Variants in MEMO1 observed in about 807,000 individuals in gnomAD.
The protein encoded by MEMO1 is protein MEMO1.
In MEMO1, 6 loss-of-function variants were observed where a neutral mutation model predicts 45.2. The observed-to-expected ratio is 0.13, with a 90% CI of 0.07 to 0.26. MEMO1 has a LOEUF of 0.26. Among genes scored for constraint, MEMO1 ranks in the 10% least tolerant of loss-of-function variants. MEMO1 has a pLI of 1.00. For synonymous variants in MEMO1, 78 were observed against 124.3 expected (o/e 0.63, Z 2.48); for missense variants, 184 against 370.5 (o/e 0.50, Z 4.13).
At position 31,934,629 on chromosome 2, in the gene MEMO1, A is replaced by G. The variant is rs149508097; in HGVS notation, c.144-2494T>C. On this transcript the variant is annotated intron_variant, in intron 3 of 9. Transcript: ENST00000404530. The stretch of plus-strand genomic sequence containing the variant: ...AAGTACATAAGGTAGATGAGAAAAT[A>G]CAAGACAGGCCTGAGTAGAGGAAGA... 9.9e-3 allele frequency among the ~76,000 whole-genome samples: 1,515 copies of G among 152,322 alleles called. 27 individuals are homozygous for G. The highest frequency in any genetic ancestry group is 0.051 in the South Asian group (246 of 4,826).
intron 2 of MEMO1, among the ~76,000 whole-genome samples, chr2:31,965,403 G>A (rs1447213776): frequency 6.6e-6 from 1 of 151,910 alleles, no homozygotes; most frequent in African/African-American, 2.4e-5. Context: ...ACTATAAAGG[G>A]GTACAGATGA....
chr2:31,943,263 T>A (rs768833039), intron 3 of MEMO1, 39 bp downstream of exon 3: 16 of 1,514,768 alleles, frequency 1.1e-5, no homozygotes, highest in Non-Finnish European at 1.4e-5. Flanking sequence ...AGACTCCTTC[T>A]CAAAAAACAA....
At chr2:32,009,199 A>C (rs181654260) in intron 2 of MEMO1, among the ~76,000 whole-genome samples, 1 of 152,326 alleles carries the variant, frequency 6.6e-6, no homozygotes, top group East Asian at 1.9e-4. Flanking sequence ...AGAAAACTCA[A>C]CTCGCTCAAA....
chr2:31,987,993 A>G (rs1490225657), intron 2 of MEMO1, among the ~76,000 whole-genome samples: 5 of 152,162 alleles, frequency 3.3e-5, no homozygotes, highest in African/African-American at 9.7e-5. Flanking sequence ...TAATGGAAGG[A>G]GTATGCGCAG....
At chr2:31,980,458 GA>G (rs2148498239) in intron 2 of MEMO1, among the ~76,000 whole-genome samples, 1 of 152,080 alleles carries the variant, frequency 6.6e-6, no homozygotes, top group African/African-American at 2.4e-5. Context: ...ATAATTTTTA[GA>G]TTTTTTTTAT....
intron 2 of MEMO1, among the ~76,000 whole-genome samples, chr2:31,948,680 T>C (rs192443252): frequency 6.6e-6 from 1 of 152,212 alleles, no homozygotes; most frequent in Non-Finnish European, 1.5e-5. Context: ...GGGTAGATCA[T>C]TTGAGGTCAG....
At chr2:31,937,261 C>T (rs1031041701) in intron 3 of MEMO1, among the ~76,000 whole-genome samples, 2 of 152,070 alleles carry the variant, frequency 1.3e-5, no homozygotes, top group Non-Finnish European at 1.5e-5. Context: ...TTTATTTTTA[C>T]ATAATAGAAT....
intron 6 of MEMO1, among the ~76,000 whole-genome samples, chr2:31,904,701 G>A (rs376905929): frequency 1.4e-4 from 21 of 152,302 alleles, no homozygotes; most frequent in East Asian, 5.8e-4. Context: ...AACAGGCCAC[G>A]GACCAGCTGA....
chr2:31,952,743 G>A (rs1393262673), intron 2 of MEMO1, among the ~76,000 whole-genome samples: 2 of 152,064 alleles, frequency 1.3e-5, no homozygotes, highest in Non-Finnish European at 2.9e-5. Context: ...AGCATGCTCA[G>A]TACAGAAAAT....
chr2:31,929,244 T>C (rs1164226946), intron 4 of MEMO1, among the ~76,000 whole-genome samples: 2 of 152,304 alleles, frequency 1.3e-5, no homozygotes, highest in East Asian at 3.9e-4. Context: ...TTTTGTAATT[T>C]CAGTTAATAT....
intron 2 of MEMO1, among the ~76,000 whole-genome samples, chr2:31,963,462 A>C (rs964801838): frequency 6.6e-6 from 1 of 152,222 alleles, no homozygotes; most frequent in Non-Finnish European, 1.5e-5. Context: ...CTTTTGGACA[A>C]TGGTAGGAAA....
intron 5 of MEMO1, 125 bp from the exon 6 acceptor site, chr2:31,918,162 T>C (rs1572676155): frequency 2.1e-6 from 1 of 479,952 alleles, no homozygotes; most frequent in East Asian, 3.4e-5. Context: ...TATAATATTC[T>C]CATTTTTATT....
At chr2:31,900,704 C>A (rs1558488178) in intron 6 of MEMO1, among the ~76,000 whole-genome samples, 1 of 151,762 alleles carries the variant, frequency 6.6e-6, no homozygotes, top group Non-Finnish European at 1.5e-5. Context: ...AAAAGTTGCT[C>A]AACATCATTA....
intron 6 of MEMO1, among the ~76,000 whole-genome samples, chr2:31,903,336 T>G (rs1364614270): frequency 7.0e-6 from 1 of 141,972 alleles, no homozygotes; most frequent in Non-Finnish European, 1.5e-5. Flanking sequence ...ACCCCTAAGG[T>G]GCCAAGGTTG....
intron 3 of MEMO1, among the ~76,000 whole-genome samples, chr2:31,941,945 T>G (rs1028349136): frequency 3.9e-5 from 6 of 152,218 alleles, no homozygotes; most frequent in Non-Finnish European, 8.8e-5. Flanking sequence ...TATTATATAT[T>G]GTCATCACTA....
At position 31,930,660 on chromosome 2, in the gene MEMO1, T is replaced by A. The variant is rs149790883; in HGVS notation, c.212+1407A>T. 7.3e-3 allele frequency among the ~76,000 whole-genome samples: 1,112 copies of A among 151,962 alleles called. 18 individuals are homozygous for A. Among genetic ancestry groups the A allele is most frequent in the African/African-American group, 0.025 (1,037 of 41,484 alleles). On this transcript the variant is annotated intron_variant, in intron 4 of 9. Transcript: ENST00000404530. ...AAGCTTATAAAATATATATATATTT[T>A]TTTTGAAACGCAGTCTTGCTCTGTT... is the stretch of plus-strand genomic sequence containing the variant.
At chr2:31,986,727 TTAAG>T (rs1671307130) in intron 2 of MEMO1, among the ~76,000 whole-genome samples, 2 of 152,234 alleles carry the variant, frequency 1.3e-5, no homozygotes, top group South Asian at 4.1e-4. Context: ...AAGTAACAAC[TTAAG>T]TAACTTCAAA....
At chr2:31,977,706 A>AT (rs1287840593) in intron 2 of MEMO1, among the ~76,000 whole-genome samples, 2 of 151,986 alleles carry the variant, frequency 1.3e-5, no homozygotes, top group East Asian at 3.9e-4. Flanking sequence ...TAATTTCTGC[A>AT]TTTTTTGTTA....
chr2:32,001,401 CAATT>C (rs1434510024), intron 2 of MEMO1, among the ~76,000 whole-genome samples: 1 of 151,846 alleles, frequency 6.6e-6, no homozygotes, highest in Non-Finnish European at 1.5e-5. Context: ...TAAAATATAC[CAATT>C]ATTTTGTAAT....
Sources: gnomAD v4.1 joint callset for allele counts (sites outside exome capture counted in the v4.1 genomes callset) on GRCh38, gnomAD v4.1.1 for gene constraint, MANE v1.5 for transcripts, NCBI Gene and HGNC (gene_info 2026-07-23, HGNC 2026-07-21) for gene names.